Variants in HK1 observed in about 807,000 individuals in gnomAD.
HK1 encodes hexokinase-1.
HK1 carries 28 observed loss-of-function variants against 91.6 expected under a neutral mutation model. The observed-to-expected ratio is 0.31, with a 90% confidence interval of 0.23 to 0.42. The LOEUF (loss-of-function observed/expected upper bound fraction) is 0.42. Among genes scored for constraint, HK1 ranks in the 10% least tolerant of loss-of-function variants. The probability of loss-of-function intolerance (pLI) is 1.00; values close to 1 mark genes in which losing one functional copy is unlikely to be tolerated. For missense variants in HK1, 770 were observed against 1,219.8 expected (o/e 0.63, Z 5.49); for synonymous variants, 430 against 468.1 (o/e 0.92, Z 1.05).
chr10:69,314,657 C>T (rs1396926233), upstream of HK1, among the ~76,000 whole-genome samples: 1 of 147,990 alleles, frequency 6.8e-6, no homozygotes, highest in Non-Finnish European at 1.5e-5. Flanking sequence ...TTTCTCTTCT[C>T]TTCTCTCTTT....
chr10:69,348,361 C>T (rs554191719), intron 2 of HK1, among the ~76,000 whole-genome samples: 1 of 152,310 alleles, frequency 6.6e-6, no homozygotes, highest in East Asian at 1.9e-4. Flanking sequence ...CTTCTTGCAG[C>T]ATTTGGGTGG....
At chr10:69,370,828 A>G (rs988609874) in intron 7 of HK1, among the ~76,000 whole-genome samples, 2 of 152,186 alleles carry the variant, frequency 1.3e-5, no homozygotes, top group African/African-American at 4.8e-5. Flanking sequence ...GAGTGATATT[A>G]TTCAGGTTAG....
upstream of HK1, among the ~76,000 whole-genome samples, chr10:69,313,737 C>T (rs1846497048): frequency 6.6e-6 from 1 of 152,154 alleles, no homozygotes; most frequent in East Asian, 1.9e-4. Context: ...CCAGATGATC[C>T]GTCTGCCTCA....
upstream of HK1, among the ~76,000 whole-genome samples, chr10:69,313,334 A>G (rs1295240084): frequency 6.6e-6 from 1 of 152,204 alleles, no homozygotes; most frequent in African/African-American, 2.4e-5. Context: ...GCTCCAGCAT[A>G]TGCGGGGAAG....
intron 17 of HK1, among the ~76,000 whole-genome samples, chr10:69,400,340 C>T (rs1840329572): frequency 6.6e-6 from 1 of 152,230 alleles, no homozygotes; most frequent in Non-Finnish European, 1.5e-5. Context: ...CAGCCTGGCC[C>T]TGCCCTTCAT....
chr10:69,323,355 TA>T (rs1474216876), intron 1 of HK1, among the ~76,000 whole-genome samples: 2 of 151,242 alleles, frequency 1.3e-5, no homozygotes, highest in East Asian at 1.9e-4. Flanking sequence ...AACCTCATCT[TA>T]AAAAAAAATT....
In HK1 at chr10:69,376,990, T is replaced by C; in HGVS notation, c.932T>C (p.Val311Ala). ...GGAGAGCTGGTTCGACTGATCCTAG[T>C]CAAGATGGCCAAGGAGGGCCTCTTA... ...YLGELVRLIL[V>A]KMAKEGLLFE... The change falls in exon 8 of 18, where the codon GTC (valine) becomes GCC (alanine). Residue 311 changes from valine to alanine, a missense_variant. Transcript: ENST00000359426. 1.2e-6 allele frequency: 2 copies of C among 1,614,156 alleles called. No individual in the cohort carries two copies. Among genetic ancestry groups the C allele is most frequent in the Non-Finnish European group, 1.7e-6 (2 of 1,180,034 alleles).
At chr10:69,296,922 G>T (rs1845592853) in intron 4 of HK1, among the ~76,000 whole-genome samples, 4 of 152,138 alleles carry the variant, frequency 2.6e-5, no homozygotes, top group Admixed American at 2.6e-4. Context: ...ACCAGAGAGG[G>T]GGTAGGGGGC....
At chr10:69,334,198 A>G (rs1847866595) in intron 1 of HK1, among the ~76,000 whole-genome samples, 2 of 152,240 alleles carry the variant, frequency 1.3e-5, no homozygotes, top group African/African-American at 2.4e-5. Context: ...CAGTTTACAC[A>G]TGCTGAGAGA....
In HK1 at chr10:69,398,777, G is replaced by C. The variant is rs538768945; in HGVS notation, c.2558G>C (p.Arg853Pro). The stretch of plus-strand genomic sequence containing the variant: ...ATCCGCGAGAACAGAGGACTGGACC[G>C]TCTGAATGTGACTGTGGGAGTGGAC... Reference protein sequence around the residue: ...DKIRENRGLDRLNVTVGVDGT... With the variant: ...DKIRENRGLDPLNVTVGVDGT... Residue 853 changes from arginine to proline, a missense_variant, in exon 17 of 18, where the codon CGT (arginine) becomes CCT (proline). By Grantham distance (103) the Arg-to-Pro change is moderately radical. Coordinates refer to ENST00000359426, the MANE Select transcript of HK1 (RefSeq NM_000188.3). The C allele has an allele frequency of 1.9e-6, 3 of 1,614,138 alleles. No individual in the cohort carries two copies. Among genetic ancestry groups the C allele is most frequent in the Non-Finnish European group, 2.5e-6 (3 of 1,179,968 alleles).
intron 2 of HK1, among the ~76,000 whole-genome samples, chr10:69,355,025 C>T (rs907906307): frequency 8.4e-5 from 12 of 142,234 alleles, no homozygotes; most frequent in African/African-American, 2.9e-4. Context: ...GCCAAGATCA[C>T]GCCATTGCAC....
At chr10:69,313,767 T>C (rs538280904), upstream of HK1, among the ~76,000 whole-genome samples, 2 of 152,200 alleles carry the variant, frequency 1.3e-5, no homozygotes, top group Non-Finnish European at 2.9e-5. Context: ...AGTGCTGGGA[T>C]TACAGGCGTG....
chr10:69,285,459 A>C (rs1299659000), intron 2 of HK1, among the ~76,000 whole-genome samples: 1 of 152,108 alleles, frequency 6.6e-6, no homozygotes, highest in East Asian at 1.9e-4. Context: ...CAAACAAAAA[A>C]CAGAAAGGAA....
chr10:69,349,903 C>T (rs1417529757), intron 2 of HK1, among the ~76,000 whole-genome samples: 1 of 152,172 alleles, frequency 6.6e-6, no homozygotes, highest in Non-Finnish European at 1.5e-5. Flanking sequence ...TTCTAGTTTC[C>T]TATAACTGGG....
chr10:69,317,696 G>A (rs916290072), upstream of HK1, among the ~76,000 whole-genome samples: 67 of 152,032 alleles, frequency 4.4e-4, no homozygotes, highest in Non-Finnish European at 4.4e-5. Flanking sequence ...TCCAAGCTGT[G>A]ATCCTAGATC....
chr10:69,392,099 C>A, intron 14 of HK1, 26 bp from the exon 15 acceptor site: 1 of 1,613,912 alleles, frequency 6.2e-7, no homozygotes, highest in Non-Finnish European at 8.5e-7. Flanking sequence ...GGCCACCGCT[C>A]CTCATTGCCC....
At chr10:69,347,112 G>A (rs976664481) in intron 2 of HK1, among the ~76,000 whole-genome samples, 8 of 151,540 alleles carry the variant, frequency 5.3e-5, no homozygotes, top group South Asian at 4.2e-4. Flanking sequence ...TGGTTCAAGC[G>A]ATCCTCCTGC....
intron 14 of HK1, among the ~76,000 whole-genome samples, chr10:69,390,914 G>A (rs1456051317): frequency 6.6e-6 from 1 of 152,232 alleles, no homozygotes; most frequent in Non-Finnish European, 1.5e-5. Flanking sequence ...AGTCTATTCA[G>A]TGAGGCAAGT....
Position 69,318,980 on chromosome 10 carries a change from C to T in HK1, c.33C>T (p.Phe11=). The T allele has an allele frequency of 6.2e-7, 1 of 1,603,076 alleles. No homozygotes were observed. Among genetic ancestry groups the T allele is most frequent in the Non-Finnish European group, 8.5e-7 (1 of 1,175,626 alleles). The change falls in exon 1 of 18, where the codon TTC becomes TTT. Residue 11 remains phenylalanine (F), a synonymous_variant. Transcript: ENST00000359426. ...CCGCGCAGCTCCTGGCCTATTACTT[C>T]ACGGAGCTGAAGGATGACCAGGTCA... is the stretch of plus-strand genomic sequence containing the variant. MIAAQLLAYY[F]TELKDDQVKK...
Sources: gnomAD v4.1 joint callset for allele counts (sites outside exome capture counted in the v4.1 genomes callset) on GRCh38, gnomAD v4.1.1 for gene constraint, MANE v1.5 for transcripts, NCBI Gene and HGNC (gene_info 2026-07-23, HGNC 2026-07-21) for gene names.